ATG7: variants seen among roughly 807,000 people sequenced by gnomAD.
The protein encoded by ATG7 is ubiquitin-like modifier-activating enzyme ATG7.
ATG7 carries 70 observed loss-of-function variants against 82.4 expected under a neutral mutation model. That is an observed-to-expected ratio of 0.85 (90% CI 0.70 to 1.04). The LOEUF (loss-of-function observed/expected upper bound fraction) is 1.04, where lower values mean the gene tolerates loss of function less well. Ranked by LOEUF, ATG7 falls within the 50% of genes least tolerant of loss-of-function variation. ATG7 has a pLI of 0.00. For synonymous variants in ATG7, 287 were observed against 313.0 expected (o/e 0.92, Z 0.88); for missense variants, 792 against 864.3 (o/e 0.92, Z 1.05).
the ATG7 span, among the ~76,000 whole-genome samples, chr3:11,574,792 T>C: frequency 2.0e-5 from 2 of 99,544 alleles, no homozygotes; most frequent in African/African-American, 9.1e-5. Flanking sequence ...TATATGTGTG[T>C]GTGTGTGTGT....
downstream of ATG7, chr3:11,558,167 G>A (rs531231109): frequency 1.1e-4 from 27 of 256,124 alleles, no homozygotes; most frequent in African/African-American, 3.9e-4. Context: ...CACACACCCC[G>A]GTCTCAAGAA....
chr3:11,493,212 C>A (rs970856058), intron 20 of ATG7, among the ~76,000 whole-genome samples: 2 of 152,170 alleles, frequency 1.3e-5, no homozygotes, highest in Non-Finnish European at 2.9e-5. Context: ...AGGTCACTCT[C>A]CCCTGAAGTC....
intron 20 of ATG7, among the ~76,000 whole-genome samples, chr3:11,453,441 A>C (rs937481830): frequency 6.6e-6 from 1 of 152,218 alleles, no homozygotes; most frequent in Non-Finnish European, 1.5e-5. Flanking sequence ...CTGCAAGCCA[A>C]CAATAGCACA....
chr3:11,569,526 T>TC, the ATG7 span, among the ~76,000 whole-genome samples: 2 of 151,986 alleles, frequency 1.3e-5, no homozygotes, highest in African/African-American at 4.8e-5. Flanking sequence ...TGCAGAGACA[T>TC]CCCCCAAGCA....
chr3:11,536,551 A>G (rs935357885), intron 20 of ATG7, among the ~76,000 whole-genome samples: 1 of 152,038 alleles, frequency 6.6e-6, no homozygotes, highest in Non-Finnish European at 1.5e-5. Context: ...ACGCCACCAC[A>G]CACCTAGGGA....
chr3:11,343,723 A>C (rs1954040310), intron 13 of ATG7, among the ~76,000 whole-genome samples: 1 of 152,170 alleles, frequency 6.6e-6, no homozygotes, highest in African/African-American at 2.4e-5. Flanking sequence ...AGTTGTTTTA[A>C]TGGCATTTAT....
At chr3:11,510,074 C>A in intron 20 of ATG7, 1 of 348,634 alleles carries the variant, frequency 2.9e-6, no homozygotes, top group Non-Finnish European at 5.7e-6. Flanking sequence ...CTTTATTCTG[C>A]CCGCCCATCT....
chr3:11,370,710 G>A (rs1452898097), intron 18 of ATG7, among the ~76,000 whole-genome samples: 7 of 151,024 alleles, frequency 4.6e-5, no homozygotes, highest in African/African-American at 1.7e-4. Context: ...CACCACCAGG[G>A]GTGGGTGGCC....
chr3:11,318,098 TGAAA>T lies in ATG7; in HGVS notation c.678+2608_678+2611del, dbSNP rs1414175942. Among the ~76,000 whole-genome samples the T allele has an allele frequency of 2.6e-5, 4 of 152,330 alleles. No individual in the cohort carries two copies. The East Asian group carries it at 7.7e-4, about 29-fold the overall frequency. ...TTTATGTTTCAACAGCAGTATATTT[TGAAA>T]GACAACAAATCTCTGGGGTCTCCTC... On this transcript the variant is annotated intron_variant, in intron 9 of 20. Coordinates refer to ENST00000693202, the MANE Select transcript of ATG7 (RefSeq NM_001349232.2).
At chr3:11,364,575 A>C in intron 17 of ATG7, 84 bp from the exon 18 acceptor site, 1 of 1,469,314 alleles carries the variant, frequency 6.8e-7, no homozygotes, top group Non-Finnish European at 9.5e-7. Context: ...ATCCTTATGA[A>C]TCTTATGTAG....
At chr3:11,384,612 T>C (rs4684774) in intron 19 of ATG7, among the ~76,000 whole-genome samples, 34,145 of 152,156 alleles carry the variant, frequency 0.22, 4,310 homozygotes, top group South Asian at 0.35. Flanking sequence ...GTCCATTTAT[T>C]TTTTTGATAT....
downstream of ATG7, chr3:11,558,921 G>A: frequency 6.9e-7 from 1 of 1,444,618 alleles, no homozygotes; most frequent in Admixed American, 1.9e-5. Context: ...CCCAGAGCCG[G>A]ACTGGCTGCC....
At chr3:11,530,686 AT>A (rs2092678992) in intron 20 of ATG7, among the ~76,000 whole-genome samples, 1 of 151,992 alleles carries the variant, frequency 6.6e-6, no homozygotes, top group Admixed American at 6.5e-5. Context: ...ATAAATAATA[AT>A]TTCCACGTTC....
At chr3:11,414,136 C>T (rs537294299) in intron 19 of ATG7, among the ~76,000 whole-genome samples, 4 of 152,214 alleles carry the variant, frequency 2.6e-5, no homozygotes, top group South Asian at 4.2e-4. Context: ...CATCTTGGCT[C>T]ACTGTAACCT....
intron 14 of ATG7, among the ~76,000 whole-genome samples, chr3:11,357,235 G>A (rs1359160870): frequency 6.6e-6 from 1 of 152,170 alleles, no homozygotes; most frequent in Admixed American, 6.5e-5. Flanking sequence ...TTTGTGGAAA[G>A]TCAGTGTCCC....
At chr3:11,454,909 A>G (rs2085551648) in intron 20 of ATG7, among the ~76,000 whole-genome samples, 1 of 152,216 alleles carries the variant, frequency 6.6e-6, no homozygotes, top group African/African-American at 2.4e-5. Flanking sequence ...TATAGAGAGG[A>G]CAAACTCAAA....
intron 20 of ATG7, among the ~76,000 whole-genome samples, chr3:11,492,690 A>G (rs1384792249): frequency 6.6e-6 from 1 of 152,162 alleles, no homozygotes; most frequent in African/African-American, 2.4e-5. Flanking sequence ...GAGGGAATGC[A>G]TAGGTGAGCA....
intron 20 of ATG7, among the ~76,000 whole-genome samples, chr3:11,455,833 C>T (rs1357420730): frequency 6.6e-6 from 1 of 152,196 alleles, no homozygotes; most frequent in Non-Finnish European, 1.5e-5. Context: ...CTCATCAACC[C>T]CACAGATGGT....
At chr3:11,288,285 T>G (rs1474380996) in intron 3 of ATG7, among the ~76,000 whole-genome samples, 3 of 152,214 alleles carry the variant, frequency 2.0e-5, no homozygotes, top group Admixed American at 1.3e-4. Flanking sequence ...CTGCTGAAAT[T>G]TATCTTACTA....
Sources: allele counts gnomAD v4.1 joint callset (sites outside exome capture counted in the v4.1 genomes callset), GRCh38; gene constraint gnomAD v4.1.1; transcripts MANE v1.5; gene names NCBI Gene and HGNC (gene_info 2026-07-23, HGNC 2026-07-21).